BLOC1S5: variants seen among roughly 807,000 people sequenced by gnomAD.
BLOC1S5 encodes biogenesis of lysosome-related organelles complex 1 subunit 5.
A neutral mutation model predicts 24.3 loss-of-function variants in BLOC1S5; 27 were observed. The ratio of observed to expected loss-of-function variants is 1.11; its 90% confidence interval spans 0.82 to 1.53. BLOC1S5 has a LOEUF of 1.53. Among genes scored for constraint, BLOC1S5 ranks in the 40% most tolerant of loss-of-function variants. The probability of loss-of-function intolerance (pLI) is 0.00; values close to 1 mark genes in which losing one functional copy is unlikely to be tolerated. For missense variants in BLOC1S5, 239 were observed against 229.4 expected, an observed-to-expected ratio of 1.04 and a Z score of -0.27; for synonymous variants, 84 against 74.5, an observed-to-expected ratio of 1.13 and a Z score of -0.66.
At chr6:8,022,365 G>A (rs550787529) in intron 4 of BLOC1S5, among the ~76,000 whole-genome samples, 18 of 151,084 alleles carry the variant, frequency 1.2e-4, no homozygotes, top group Non-Finnish European at 2.1e-4. Flanking sequence ...CTGGTCTACG[G>A]GAAAACTCTG....
chr6:8,057,912 G>A (rs1374665028), intron 2 of BLOC1S5, among the ~76,000 whole-genome samples: 2 of 152,122 alleles, frequency 1.3e-5, no homozygotes, highest in African/African-American at 4.8e-5. Context: ...TCTCTTAGAA[G>A]TTGTTTCTCG....
intron 3 of BLOC1S5, among the ~76,000 whole-genome samples, chr6:8,031,459 GA>G (rs1477056732): frequency 3.3e-5 from 5 of 152,240 alleles, no homozygotes; most frequent in African/African-American, 1.2e-4. Flanking sequence ...AAACATGACT[GA>G]AAGAAATCAC....
At chr6:8,018,439 G>T (rs1490363319) in intron 4 of BLOC1S5, among the ~76,000 whole-genome samples, 1 of 152,188 alleles carries the variant, frequency 6.6e-6, no homozygotes, top group Admixed American at 6.5e-5. Flanking sequence ...TTTGTAAATG[G>T]AAAGTCATCA....
At chr6:8,057,383 T>C (rs979000145) in intron 2 of BLOC1S5, among the ~76,000 whole-genome samples, 1 of 152,206 alleles carries the variant, frequency 6.6e-6, no homozygotes, top group Non-Finnish European at 1.5e-5. Flanking sequence ...TTCGCACTTA[T>C]CACACAAGGA....
chr6:8,015,637 T>G lies in BLOC1S5; in HGVS notation c.*12A>C. ...TCTTCTCATTAGTTTGTGATTGTTG[T>G]GGTTCAAGTTCTTAAAAGGTTGAAA... On this transcript the variant is annotated 3_prime_UTR_variant, in exon 5 of 5. Transcript: ENST00000397457. The G allele has an allele frequency of 6.2e-7, 1 of 1,607,020 alleles. No individual in the cohort carries two copies. Among genetic ancestry groups the G allele is most frequent in the Non-Finnish European group, 8.5e-7 (1 of 1,176,460 alleles).
intron 3 of BLOC1S5, among the ~76,000 whole-genome samples, chr6:8,036,323 G>C (rs952904896): frequency 2.0e-5 from 3 of 151,952 alleles, no homozygotes; most frequent in African/African-American, 7.2e-5. Context: ...GAGAAGGAAA[G>C]AAATAATAGA....
chr6:8,055,519 T>C (rs1156254481), intron 2 of BLOC1S5, among the ~76,000 whole-genome samples: 2 of 152,248 alleles, frequency 1.3e-5, no homozygotes, highest in Non-Finnish European at 2.9e-5. Flanking sequence ...AATATTATTC[T>C]GTTCTTTATC....
At chr6:8,021,795 A>G (rs1762923997) in intron 4 of BLOC1S5, among the ~76,000 whole-genome samples, 1 of 152,188 alleles carries the variant, frequency 6.6e-6, no homozygotes, top group African/African-American at 2.4e-5. Context: ...CTCTTCTTAA[A>G]TGAAATCAAT....
intron 3 of BLOC1S5, chr6:8,027,380 TCAG>T: frequency 2.2e-6 from 1 of 456,762 alleles, no homozygotes; most frequent in South Asian, 1.5e-5. Flanking sequence ...CTCCTATCTC[TCAG>T]CAACTTAGTT....
intron 3 of BLOC1S5, among the ~76,000 whole-genome samples, chr6:8,036,820 T>C (rs932128394): frequency 6.6e-6 from 1 of 152,174 alleles, no homozygotes; most frequent in Non-Finnish European, 1.5e-5. Flanking sequence ...AAAAAGATCA[T>C]TCACCATGAT....
intron 2 of BLOC1S5, among the ~76,000 whole-genome samples, chr6:8,053,377 C>T (rs1764196558): frequency 6.6e-6 from 1 of 152,182 alleles, no homozygotes; most frequent in Admixed American, 6.5e-5. Flanking sequence ...GAAATTGCCA[C>T]AGCCACCCCA....
intron 4 of BLOC1S5, among the ~76,000 whole-genome samples, chr6:8,021,341 G>A (rs1762910366): frequency 6.6e-6 from 1 of 152,356 alleles, no homozygotes; most frequent in African/African-American, 2.4e-5. Flanking sequence ...GCTCACGCCT[G>A]TAATTCCAGC....
At chr6:8,047,370 G>A (rs554866744) in intron 2 of BLOC1S5, among the ~76,000 whole-genome samples, 1 of 151,976 alleles carries the variant, frequency 6.6e-6, no homozygotes, top group African/African-American at 2.4e-5. Flanking sequence ...ATGACACTTG[G>A]CTAATTTTTG....
intron 1 of BLOC1S5, among the ~76,000 whole-genome samples, chr6:8,063,966 C>T (rs1284827169): frequency 1.3e-5 from 2 of 152,220 alleles, no homozygotes; most frequent in Non-Finnish European, 1.5e-5. Flanking sequence ...ACGTCGGTGG[C>T]GAGGCTGCCC....
intron 4 of BLOC1S5, among the ~76,000 whole-genome samples, chr6:8,022,198 A>T (rs887659920): frequency 6.7e-6 from 1 of 150,094 alleles, no homozygotes; most frequent in African/African-American, 2.5e-5. Context: ...TCCCCAGGAG[A>T]TTGTTGGTTA....
chr6:8,041,651 C>CTTTT (rs1423781176), intron 2 of BLOC1S5, among the ~76,000 whole-genome samples: 64 of 48,696 alleles, frequency 1.3e-3, no homozygotes, highest in East Asian at 6.7e-3. Flanking sequence ...TTCTTTCTTT[C>CTTTT]TTTCTTTTTT....
chr6:8,036,525 T>C (rs1471045717), intron 3 of BLOC1S5, among the ~76,000 whole-genome samples: 1 of 152,124 alleles, frequency 6.6e-6, no homozygotes, highest in Non-Finnish European at 1.5e-5. Context: ...GTTGAAGCCA[T>C]GATAAAGTCT....
intron 2 of BLOC1S5, among the ~76,000 whole-genome samples, chr6:8,055,925 G>C (rs1484189461): frequency 1.3e-5 from 2 of 152,162 alleles, no homozygotes; most frequent in African/African-American, 4.8e-5. Context: ...ACAGTGTTGG[G>C]AGGTGGGGTC....
intron 2 of BLOC1S5, among the ~76,000 whole-genome samples, chr6:8,047,431 T>C (rs558721544): frequency 2.0e-5 from 3 of 152,262 alleles, no homozygotes; most frequent in South Asian, 4.1e-4. Flanking sequence ...AGACATTTGT[T>C]GACCACGCCT....
Sources: gnomAD v4.1 joint callset for allele counts (sites outside exome capture counted in the v4.1 genomes callset) on GRCh38, gnomAD v4.1.1 for gene constraint, MANE v1.5 for transcripts, NCBI Gene and HGNC (gene_info 2026-07-23, HGNC 2026-07-21) for gene names.